Variants in KRABD4 observed in about 807,000 individuals in gnomAD.
KRABD4 encodes KRAB domain containing 4, also known as KRAB domain-containing protein 4.
chrX:46,450,056 C>T, the KRABD4 span, among the ~76,000 whole-genome samples: 613 of 111,845 alleles, frequency 5.5e-3, 6 homozygotes, highest in African/African-American at 0.019. Context: ...TGCACCCGGC[C>T]GCTTCCACAT....
chrX:46,468,689 CTT>C, the KRABD4 span, among the ~76,000 whole-genome samples: 2 of 111,437 alleles, frequency 1.8e-5, no homozygotes, highest in African/African-American at 6.5e-5. Flanking sequence ...AATATATAGA[CTT>C]AATAGCAGAT....
chrX:46,462,201 G>C, the KRABD4 span, among the ~76,000 whole-genome samples: 3 of 112,014 alleles, frequency 2.7e-5, no homozygotes, highest in African/African-American at 9.7e-5. Context: ...CTAGTGACTG[G>C]CATAAGAACA....
chrX:46,453,865 A>G, the KRABD4 span, among the ~76,000 whole-genome samples: 94 of 112,052 alleles, frequency 8.4e-4, no homozygotes, highest in Non-Finnish European at 1.4e-3. Context: ...TTATACCACA[A>G]ATAAAACCAC....
the KRABD4 span, among the ~76,000 whole-genome samples, chrX:46,470,571 T>C: frequency 9.0e-6 from 1 of 110,843 alleles, no homozygotes; most frequent in Non-Finnish European, 1.9e-5. Flanking sequence ...GTACCACAGT[T>C]TGTTTAGCCA....
chrX:46,463,716 C>T, the KRABD4 span, among the ~76,000 whole-genome samples: 1 of 110,634 alleles, frequency 9.0e-6, no homozygotes, highest in East Asian at 2.8e-4. Flanking sequence ...ATACTGTGGG[C>T]CCTTTCAGGC....
At chrX:46,448,063 A>C in the KRABD4 span, 1 of 111,911 alleles carries the variant, frequency 8.9e-6, no homozygotes, top group Non-Finnish European at 1.9e-5. Flanking sequence ...GCTGTGAATC[A>C]ATGTTAACTC....
chrX:46,468,830 C>T, the KRABD4 span, among the ~76,000 whole-genome samples: 6 of 111,392 alleles, frequency 5.4e-5, no homozygotes, highest in African/African-American at 1.9e-4. Flanking sequence ...ACATATGTGT[C>T]ACTCTGTACA....
chrX:46,463,167 A>G, the KRABD4 span: 1 of 1,191,920 alleles, frequency 8.4e-7, no homozygotes, highest in Non-Finnish European at 1.1e-6. Flanking sequence ...CAGCATTAAT[A>G]ACGAAGTCCT....
At chrX:46,448,951 G>T in the KRABD4 span, among the ~76,000 whole-genome samples, 3 of 112,314 alleles carry the variant, frequency 2.7e-5, no homozygotes, top group Non-Finnish European at 5.6e-5. Context: ...GTAGTCTCTA[G>T]GTACGCTGTC....
At chrX:46,447,645 C>T in the KRABD4 span, among the ~76,000 whole-genome samples, 3 of 111,173 alleles carry the variant, frequency 2.7e-5, no homozygotes, top group South Asian at 1.1e-3. Context: ...GTTTCCTGAG[C>T]GCCTAAAAAT....
chrX:46,452,052 C>T, the KRABD4 span, among the ~76,000 whole-genome samples: 1 of 112,079 alleles, frequency 8.9e-6, no homozygotes. Context: ...CTCAACAATC[C>T]TCCCACCTCA....
the KRABD4 span, chrX:46,455,178 C>T: frequency 9.6e-7 from 1 of 1,041,467 alleles, no homozygotes; most frequent in Non-Finnish European, 1.3e-6. Flanking sequence ...GAAGTTATAA[C>T]CACTTCTGCC....
At chrX:46,462,496 C>G in the KRABD4 span, 1 of 377,057 alleles carries the variant, frequency 2.7e-6, no homozygotes, top group Non-Finnish European at 4.3e-6. Flanking sequence ...GGCGACAGAG[C>G]AAGACTCGGT....
the KRABD4 span, chrX:46,471,043 A>G: frequency 2.1e-6 from 2 of 964,167 alleles, no homozygotes; most frequent in Non-Finnish European, 2.8e-6. Context: ...CAGATTATCT[A>G]TATCCTTGCT....
the KRABD4 span, among the ~76,000 whole-genome samples, chrX:46,447,966 A>G: frequency 9.0e-6 from 1 of 111,568 alleles, no homozygotes; most frequent in Non-Finnish European, 1.9e-5. Flanking sequence ...CCATTTCTTC[A>G]GTGAATAAAA....
chrX:46,472,230 C>T, the KRABD4 span: 1 of 116,942 alleles, frequency 8.6e-6, no homozygotes, highest in African/African-American at 3.2e-5. Context: ...GACTGTGGTT[C>T]TGACTTCTTG....
At chrX:46,461,803 C>G in the KRABD4 span, among the ~76,000 whole-genome samples, 26 of 111,634 alleles carry the variant, frequency 2.3e-4, no homozygotes, top group Non-Finnish European at 4.5e-4. Flanking sequence ...TTTGTTGTAG[C>G]TCTGTGTCCC....
the KRABD4 span, chrX:46,455,290 G>T: frequency 2.7e-6 from 2 of 752,409 alleles, no homozygotes; most frequent in Non-Finnish European, 4.0e-6. Flanking sequence ...GTCTTCCTGA[G>T]ACAAGTAATA....
At chrX:46,465,995 A>G in the KRABD4 span, among the ~76,000 whole-genome samples, 2 of 111,687 alleles carry the variant, frequency 1.8e-5, no homozygotes, top group Non-Finnish European at 1.9e-5. Flanking sequence ...TTCAGGAACT[A>G]TATTTTTCCC....
Sources: gnomAD v4.1 joint callset for allele counts (sites outside exome capture counted in the v4.1 genomes callset) on GRCh38, gnomAD v4.1.1 for gene constraint, MANE v1.5 for transcripts, NCBI Gene and HGNC (gene_info 2026-07-23, HGNC 2026-07-21) for gene names.